Variants in TMCO6 observed in about 807,000 individuals in gnomAD.
The protein encoded by TMCO6 is transmembrane and coiled-coil domains 6.
A neutral mutation model predicts 61.8 loss-of-function variants in TMCO6; 47 were observed. That is an observed-to-expected ratio of 0.76 (90% CI 0.60 to 0.97). The LOEUF is 0.97. Ranked by LOEUF, TMCO6 falls within the 50% of genes least tolerant of loss-of-function variation. The probability of loss-of-function intolerance (pLI) is 0.00; values close to 1 mark genes in which losing one functional copy is unlikely to be tolerated. For missense variants in TMCO6, 557 were observed against 601.6 expected (o/e 0.93, Z 0.78); for synonymous variants, 261 against 254.2 (o/e 1.03, Z -0.25).
At position 140,642,041 on chromosome 5, in the gene TMCO6, C is replaced by T; in HGVS notation, c.486C>T (p.Ser162=). The T allele has an allele frequency of 6.2e-7, 1 of 1,607,488 alleles. No homozygotes were observed. Among genetic ancestry groups the T allele is most frequent in the Non-Finnish European group, 8.5e-7 (1 of 1,174,504 alleles). ...SYLLTYLSSH[S]SDFIELCLYT... ...TCCTCACCTACCTCTCCAGTCACAG[C>T]TCAGACTTCATAGTAAGCCCTGTCC... The change falls in exon 4 of 12, where the codon AGC becomes AGT. Residue 162 remains serine (S), a synonymous_variant. Transcript: ENST00000394671.
chr5:140,641,942 T>C lies in TMCO6; in HGVS notation c.387T>C (p.Ala129=). The C allele has an allele frequency of 6.2e-7, 1 of 1,613,948 alleles. No homozygotes were observed. The stretch of plus-strand genomic sequence containing the variant: ...AGGCCCTGCTGCAGCTTGAGGCGGC[T>C]CGGTGCCTGCATGAGCTCTCTCACT... ...SNQALLQLEA[A]RCLHELSHSE... The change falls in exon 4 of 12, where the codon GCT becomes GCC. Residue 129 remains alanine, a synonymous_variant. Coordinates refer to ENST00000394671, the MANE Select transcript of TMCO6 (RefSeq NM_018502.5).
chr5:140,645,144 C>T lies in TMCO6; in HGVS notation c.*46C>T. The T allele has an allele frequency of 6.3e-7, 1 of 1,578,632 alleles. No homozygotes were observed. The highest frequency in any genetic ancestry group is 8.7e-7 in the Non-Finnish European group (1 of 1,149,042). ...CATTCCCCTCTCTCTTAACATCAAGCTTGTTTGTCCAGTAGAGCCTTTGGA... is the reference window on the plus strand; with the variant it reads ...CATTCCCCTCTCTCTTAACATCAAGTTTGTTTGTCCAGTAGAGCCTTTGGA... On this transcript the variant is annotated 3_prime_UTR_variant, in exon 12 of 12. Coordinates refer to ENST00000394671, the MANE Select transcript of TMCO6 (RefSeq NM_018502.5).
chr5:140,644,765 C>T lies in TMCO6; in HGVS notation c.1368+25C>T, dbSNP rs777316027. The T allele has an allele frequency of 3.1e-6, 5 of 1,613,210 alleles. No individual in the cohort carries two copies. In the South Asian group the frequency reaches 4.4e-5, roughly 14 times the overall value. On this transcript the variant is annotated intron_variant, in intron 11 of 11. Coordinates refer to ENST00000394671, the MANE Select transcript of TMCO6 (RefSeq NM_018502.5). ...GGTATAGGTTTCTGGCCCACATCCT[C>T]AGTCACCCCTGTTCTGAAGCCACAC...
chr5:140,623,510 A>G, the TMCO6 span, among the ~76,000 whole-genome samples: 10 of 152,138 alleles, frequency 6.6e-5, no homozygotes, highest in African/African-American at 2.4e-4. Context: ...ATTAATAAAT[A>G]TCATCCTGAA....
the TMCO6 span, among the ~76,000 whole-genome samples, chr5:140,613,995 T>C: frequency 6.1e-3 from 922 of 151,934 alleles, 9 homozygotes; most frequent in Middle Eastern, 0.014. Context: ...GCCTCCCCGG[T>C]TCATGCCATT....
the TMCO6 span, among the ~76,000 whole-genome samples, chr5:140,615,242 A>G: frequency 2.0e-5 from 3 of 152,322 alleles, no homozygotes; most frequent in South Asian, 2.1e-4. Flanking sequence ...AAACTTCACC[A>G]AGGAGACAAG....
At chr5:140,611,480 G>A in the TMCO6 span, among the ~76,000 whole-genome samples, 1 of 152,168 alleles carries the variant, frequency 6.6e-6, no homozygotes, top group Non-Finnish European at 1.5e-5. Context: ...GTGTTTTACT[G>A]TCTGCGCTTT....
chr5:140,641,998 T>A lies in TMCO6; in HGVS notation c.443T>A (p.Leu148Gln). ...SEQSTVAEAC[L>Q]PATSYLLTYL... Reference sequence around the variant, plus strand: ...CAGTCCACTGTTGCTGAGGCCTGCCTGCCAGCCACTTCTTACCTCCTCACC... The same window carrying A: ...CAGTCCACTGTTGCTGAGGCCTGCCAGCCAGCCACTTCTTACCTCCTCACC... The change falls in exon 4 of 12, where the codon CTG becomes CAG. Residue 148 changes from leucine (L) to glutamine (Q), a missense_variant. By Grantham distance (113) the Leu-to-Gln change is moderately radical. Transcript: ENST00000394671. 6.2e-7 allele frequency: 1 copy of A among 1,613,462 alleles called. No homozygotes were observed.
upstream of TMCO6, among the ~76,000 whole-genome samples, chr5:140,635,766 G>A (rs1756757339): frequency 6.6e-6 from 1 of 152,164 alleles, no homozygotes; most frequent in African/African-American, 2.4e-5. Flanking sequence ...TGTGTTGTTG[G>A]GGGAGAGGGG....
At position 140,641,986 on chromosome 5, in the gene TMCO6, C is replaced by G. The variant is rs770561424; in HGVS notation, c.431C>G (p.Ala144Gly). The G allele has an allele frequency of 1.2e-6, 2 of 1,613,674 alleles. No homozygotes were observed. Among genetic ancestry groups the G allele is most frequent in the South Asian group, 1.1e-5 (1 of 91,086 alleles). ...TCTCACTCCGAGCAGTCCACTGTTG[C>G]TGAGGCCTGCCTGCCAGCCACTTCT... ...ELSHSEQSTV[A>G]EACLPATSYL... is the part of the protein sequence containing the mutation. The change falls in exon 4 of 12, where the codon GCT becomes GGT. Residue 144 changes from alanine (A) to glycine (G), a missense_variant. Physicochemically the swap from Ala to Gly is moderately conservative, Grantham distance 60. Transcript: ENST00000394671.
At chr5:140,622,591 C>T in the TMCO6 span, among the ~76,000 whole-genome samples, 51 of 152,208 alleles carry the variant, frequency 3.4e-4, no homozygotes, top group South Asian at 4.6e-3. Flanking sequence ...AAATTCAGAA[C>T]TGTTATTCCA....
the TMCO6 span, among the ~76,000 whole-genome samples, chr5:140,610,193 A>G: frequency 3.4e-4 from 51 of 150,320 alleles, no homozygotes; most frequent in Admixed American, 1.1e-3. Flanking sequence ...TACTAAAAAA[A>G]AAAAAAAAAA....
At chr5:140,631,832 C>T in the TMCO6 span, 1 of 1,520,320 alleles carries the variant, frequency 6.6e-7, no homozygotes. Flanking sequence ...CAGTTTGAGT[C>T]CATTCATTAT....
chr5:140,639,397 C>T, upstream of TMCO6: 2 of 916,078 alleles, frequency 2.2e-6, no homozygotes, highest in Non-Finnish European at 3.3e-6. Context: ...TCACCCAGCA[C>T]CCACCCCGCT....
At chr5:140,605,729 ACACACACAC>A in the TMCO6 span, among the ~76,000 whole-genome samples, 1 of 65,930 alleles carries the variant, frequency 1.5e-5, no homozygotes, top group East Asian at 3.1e-4. Context: ...ACACACACAC[ACACACACAC>A]AAAGAAAGAA....
At chr5:140,598,602 G>A in the TMCO6 span, among the ~76,000 whole-genome samples, 5 of 152,116 alleles carry the variant, frequency 3.3e-5, no homozygotes, top group South Asian at 4.1e-4. Flanking sequence ...TTCAGCATTC[G>A]TATCTACCAC....
chr5:140,599,350 A>AT, the TMCO6 span, among the ~76,000 whole-genome samples: 4 of 151,978 alleles, frequency 2.6e-5, no homozygotes, highest in African/African-American at 9.7e-5. Flanking sequence ...TTCCATAGTG[A>AT]TTTTCTTAGG....
At chr5:140,626,789 C>A in the TMCO6 span, among the ~76,000 whole-genome samples, 1 of 152,112 alleles carries the variant, frequency 6.6e-6, no homozygotes, top group East Asian at 1.9e-4. Context: ...TGACCTCAGG[C>A]AATCCTCCTG....
upstream of TMCO6, among the ~76,000 whole-genome samples, chr5:140,636,002 T>C (rs1276735637): frequency 6.6e-6 from 1 of 152,118 alleles, no homozygotes; most frequent in Non-Finnish European, 1.5e-5. Context: ...TTGTTGTTGT[T>C]ATTGTTGTTG....
Sources: allele counts gnomAD v4.1 joint callset (sites outside exome capture counted in the v4.1 genomes callset), GRCh38; gene constraint gnomAD v4.1.1; transcripts MANE v1.5; gene names NCBI Gene and HGNC (gene_info 2026-07-23, HGNC 2026-07-21).